COL14A1: variants seen among roughly 807,000 people sequenced by gnomAD.
COL14A1 encodes the protein collagen alpha-1(XIV) chain.
In COL14A1, 136 loss-of-function variants were observed where a neutral mutation model predicts 230.3. The ratio of observed to expected loss-of-function variants is 0.59; its 90% CI spans 0.51 to 0.68. The LOEUF (loss-of-function observed/expected upper bound fraction) is 0.68. Ranked by LOEUF, COL14A1 falls within the 30% of genes least tolerant of loss-of-function variation. The pLI is 0.00. For missense variants in COL14A1, 1,976 were observed against 2,215.8 expected (o/e 0.89, Z 2.17); for synonymous variants, 792 against 784.1 (o/e 1.01, Z -0.17).
chr8:120,162,706 C>A, intron 4 of COL14A1, 137 bp downstream of exon 4: 1 of 655,554 alleles, frequency 1.5e-6, no homozygotes, highest in South Asian at 4.5e-5. Context: ...TTCAGTCTTA[C>A]CTTCAACGAA....
rs565597240 is a variant in COL14A1 at position 120,305,293 on chromosome 8, A to G, written c.4401+4475A>G. Among the ~76,000 whole-genome samples, 4 of 152,294 alleles carry G rather than the reference A, an allele frequency of 2.6e-5. No homozygotes were observed. The South Asian group carries it at 8.3e-4, about 32-fold the overall frequency. ...CCGCACCTGGCCAAAAACTCTTTTA[A>G]AAACATTTCAGATGTCAGAAATAAA... On this transcript the variant is annotated intron_variant, in intron 36 of 47. Transcript: ENST00000297848.
At chr8:120,296,299 T>G in intron 34 of COL14A1, among the ~76,000 whole-genome samples, 1 of 151,948 alleles carries the variant, frequency 6.6e-6, no homozygotes, top group Non-Finnish European at 1.5e-5. Context: ...GTTACTTTAT[T>G]GATCAGTTGG....
intron 5 of COL14A1, among the ~76,000 whole-genome samples, chr8:120,175,927 A>G (rs956401552): frequency 1.3e-5 from 2 of 152,170 alleles, no homozygotes; most frequent in Non-Finnish European, 1.5e-5. Context: ...CCTACCTTTG[A>G]ACATTTCTAC....
At chr8:120,301,311 G>T (rs1474545545) in intron 36 of COL14A1, among the ~76,000 whole-genome samples, 2 of 152,030 alleles carry the variant, frequency 1.3e-5, no homozygotes, top group African/African-American at 4.8e-5. Flanking sequence ...CAAGTACCAA[G>T]TCTAGTACTC....
At chr8:120,346,785 G>A (rs975444221) in intron 45 of COL14A1, among the ~76,000 whole-genome samples, 2 of 152,122 alleles carry the variant, frequency 1.3e-5, no homozygotes, top group Non-Finnish European at 1.5e-5. Context: ...TTCTGTTTTA[G>A]CACTCATCAG....
At position 120,341,358 on chromosome 8, in the gene COL14A1, C is replaced by T. The variant is rs1181876608; in HGVS notation, c.4819C>T (p.Arg1607Trp). The change falls in exon 43 of 48, where the codon CGG becomes TGG. Residue 1607 changes from arginine (R) to tryptophan (W), a missense_variant and splice_region_variant. Coordinates refer to ENST00000297848, the MANE Select transcript of COL14A1 (RefSeq NM_021110.4). Reference sequence around the variant, plus strand: ...TGGAGCAAAGGGGGAACGAGGAGAGCGGGTAAGTATCCTGTGGCTCTGCTT... The same window carrying T: ...TGGAGCAAAGGGGGAACGAGGAGAGTGGGTAAGTATCCTGTGGCTCTGCTT... ...VPGAKGERGE[R>W]GDLQSQAMVR... 3 of 1,614,104 alleles carry T rather than the reference C, an allele frequency of 1.9e-6. No individual in the cohort carries two copies. Among genetic ancestry groups the T allele is most frequent in the Admixed American group, 1.7e-5 (1 of 60,008 alleles).
In COL14A1 at chr8:120,228,696, T is replaced by C; in HGVS notation, c.2138-14T>C. 2 of 1,608,274 alleles carry C rather than the reference T, an allele frequency of 1.2e-6. No individual in the cohort carries two copies. The highest frequency in any genetic ancestry group is 2.2e-5 in the East Asian group (1 of 44,830). On this transcript the variant is annotated splice_polypyrimidine_tract_variant and intron_variant, in intron 17 of 47. Coordinates refer to ENST00000297848, the MANE Select transcript of COL14A1 (RefSeq NM_021110.4). ...TTGTTTTTGCAGCATTTTAAAGTAA[T>C]ATATTGCTTTTAGTTGACAGTTTTT...
intron 1 of COL14A1, among the ~76,000 whole-genome samples, chr8:120,138,136 C>T (rs547423837): frequency 8.2e-4 from 125 of 151,870 alleles, no homozygotes; most frequent in African/African-American, 2.2e-3. Flanking sequence ...ATCTATATAC[C>T]GATATATATC....
intron 7 of COL14A1, among the ~76,000 whole-genome samples, chr8:120,199,128 A>G (rs1384975614): frequency 2.0e-5 from 3 of 152,126 alleles, no homozygotes; most frequent in African/African-American, 7.2e-5. Flanking sequence ...TGTACATGAA[A>G]TCTATTATCA....
At chr8:120,214,801 C>T (rs1817701075) in intron 13 of COL14A1, among the ~76,000 whole-genome samples, 1 of 151,846 alleles carries the variant, frequency 6.6e-6, no homozygotes, top group African/African-American at 2.4e-5. Context: ...AAGAAGGAGA[C>T]AGGTAGTATG....
At chr8:120,202,161 A>G (rs943926707) in intron 8 of COL14A1, among the ~76,000 whole-genome samples, 8 of 152,174 alleles carry the variant, frequency 5.3e-5, no homozygotes, top group African/African-American at 1.9e-4. Flanking sequence ...ATGGAGAACT[A>G]ATTTATATGT....
chr8:120,172,522 CTT>C (rs1816127130), intron 5 of COL14A1, among the ~76,000 whole-genome samples: 2 of 152,220 alleles, frequency 1.3e-5, no homozygotes, highest in South Asian at 4.1e-4. Context: ...TGATGTGTCA[CTT>C]TGGCTTGTGG....
At chr8:120,261,889 G>C (rs1819338721) in intron 23 of COL14A1, among the ~76,000 whole-genome samples, 1 of 152,134 alleles carries the variant, frequency 6.6e-6, no homozygotes, top group South Asian at 2.1e-4. Flanking sequence ...GGAAACCACT[G>C]GTATCAGTTA....
chr8:120,337,412 AAAAAAAG>A lies in COL14A1; in HGVS notation c.4786-3892_4786-3886del, dbSNP rs906838890. Among the ~76,000 whole-genome samples the A allele has an allele frequency of 4.8e-3, 729 of 151,372 alleles. 8 individuals carry two copies. Among genetic ancestry groups the A allele is most frequent in the African/African-American group, 0.016 (673 of 41,186 alleles). ...CTCTGTCTCAAAATTAAAAAAAAAA[AAAAAAAG>A]AAAAAAGAAAAAAGAAAAAAAAGAA... On this transcript the variant is annotated intron_variant, in intron 42 of 47. Coordinates refer to ENST00000297848, the MANE Select transcript of COL14A1 (RefSeq NM_021110.4).
intron 2 of COL14A1, among the ~76,000 whole-genome samples, chr8:120,154,878 G>A (rs1815413694): frequency 6.6e-6 from 1 of 152,108 alleles, no homozygotes; most frequent in Non-Finnish European, 1.5e-5. Context: ...TGAGATAAGA[G>A]CAATTATTTC....
intron 1 of COL14A1, among the ~76,000 whole-genome samples, chr8:120,130,873 T>A (rs1048086560): frequency 6.6e-6 from 1 of 152,154 alleles, no homozygotes; most frequent in African/African-American, 2.4e-5. Flanking sequence ...ACCCCCTTTT[T>A]TTTCCTTCCC....
chr8:120,278,360 G>A, intron 27 of COL14A1, 75 bp from the exon 28 acceptor site: 1 of 1,549,350 alleles, frequency 6.5e-7, no homozygotes, highest in Non-Finnish European at 8.7e-7. Flanking sequence ...TAAGAACTTT[G>A]TTCCCACCCT....
chr8:120,213,147 T>G (rs1817659741), intron 13 of COL14A1, among the ~76,000 whole-genome samples: 1 of 152,208 alleles, frequency 6.6e-6, no homozygotes, highest in Non-Finnish European at 1.5e-5. Context: ...CATTTTCAAT[T>G]GAGTAAAAAT....
intron 8 of COL14A1, among the ~76,000 whole-genome samples, chr8:120,199,797 C>T (rs1014665538): frequency 2.0e-5 from 3 of 151,928 alleles, no homozygotes; most frequent in Admixed American, 2.0e-4. Context: ...AGTGAGGTGT[C>T]ATATATAAAA....
Sources: allele counts gnomAD v4.1 joint callset (sites outside exome capture counted in the v4.1 genomes callset), GRCh38; gene constraint gnomAD v4.1.1; transcripts MANE v1.5; gene names NCBI Gene and HGNC (gene_info 2026-07-23, HGNC 2026-07-21).